Variants in ANKS1B observed in about 807,000 individuals in gnomAD.
The protein encoded by ANKS1B is ankyrin repeat and sterile alpha motif domain containing 1B, also known as ankyrin repeat and sterile alpha motif domain-containing protein 1B.
Under a neutral mutation model 148.3 loss-of-function variants are expected in ANKS1B, and 36 were observed. That is an observed-to-expected ratio of 0.24 (90% CI 0.19 to 0.32). The LOEUF (loss-of-function observed/expected upper bound fraction) is 0.32. Ranked by LOEUF, ANKS1B falls within the 10% of genes least tolerant of loss-of-function variation. The pLI is 1.00. For missense variants in ANKS1B, 1,157 were observed against 1,542.6 expected, an observed-to-expected ratio of 0.75 and a Z score of 4.19; for synonymous variants, 542 against 560.8, an observed-to-expected ratio of 0.97 and a Z score of 0.47.
chr12:99,889,608 G>A (rs909841774), intron 1 of ANKS1B, among the ~76,000 whole-genome samples: 5 of 152,080 alleles, frequency 3.3e-5, no homozygotes, highest in Admixed American at 1.3e-4. Context: ...ATCCATATGA[G>A]TCTGAATGCT....
intron 17 of ANKS1B, among the ~76,000 whole-genome samples, chr12:98,847,593 C>CT (rs1412454073): frequency 7.5e-5 from 2 of 26,668 alleles, no homozygotes; most frequent in African/African-American, 8.3e-4. Context: ...TCCTCAAGAT[C>CT]TTAATTTTTT....
chr12:98,833,688 G>A (rs1025842498), intron 17 of ANKS1B, among the ~76,000 whole-genome samples: 6 of 152,176 alleles, frequency 3.9e-5, no homozygotes, highest in East Asian at 1.9e-4. Flanking sequence ...GAATGATCCC[G>A]TCACCAGGTA....
chr12:99,242,929 C>T (rs1009955401), intron 14 of ANKS1B, among the ~76,000 whole-genome samples: 1 of 152,138 alleles, frequency 6.6e-6, no homozygotes, highest in Non-Finnish European at 1.5e-5. Flanking sequence ...AGACCTAACA[C>T]CATAAAAATC....
intron 17 of ANKS1B, among the ~76,000 whole-genome samples, chr12:98,978,090 C>G (rs1568148670): frequency 6.6e-6 from 1 of 151,818 alleles, no homozygotes; most frequent in Non-Finnish European, 1.5e-5. Context: ...TTTTCAGAGA[C>G]AGCATATAGT....
At chr12:99,221,384 G>GT (rs1206683031) in intron 14 of ANKS1B, among the ~76,000 whole-genome samples, 2 of 152,024 alleles carry the variant, frequency 1.3e-5, no homozygotes, top group African/African-American at 4.8e-5. Context: ...AAAAATCAGT[G>GT]TAAGTTAAGT....
intron 16 of ANKS1B, among the ~76,000 whole-genome samples, chr12:99,056,377 A>G (rs1185040496): frequency 5.3e-5 from 8 of 152,196 alleles, no homozygotes; most frequent in Non-Finnish European, 1.2e-4. Context: ...TTCCAAAGCA[A>G]TGATCCCATC....
intron 19 of ANKS1B, among the ~76,000 whole-genome samples, chr12:98,809,640 A>T (rs2099078473): frequency 6.6e-6 from 1 of 152,122 alleles, no homozygotes; most frequent in South Asian, 2.1e-4. Context: ...CCTGGTACTG[A>T]TGTCACCAGA....
intron 8 of ANKS1B, among the ~76,000 whole-genome samples, chr12:99,657,700 G>C (rs1043501819): frequency 2.0e-5 from 3 of 147,172 alleles, no homozygotes; most frequent in African/African-American, 7.6e-5. Flanking sequence ...TGATCAAAAA[G>C]GTATCTCCTT....
chr12:99,410,269 T>C (rs745797308), intron 11 of ANKS1B, among the ~76,000 whole-genome samples: 34 of 152,288 alleles, frequency 2.2e-4, no homozygotes, highest in African/African-American at 7.5e-4. Flanking sequence ...CCTGCTACAG[T>C]AGCAGAGTGT....
intron 15 of ANKS1B, among the ~76,000 whole-genome samples, chr12:99,147,760 C>T (rs1355051080): frequency 6.6e-6 from 1 of 151,770 alleles, no homozygotes; most frequent in African/African-American, 2.4e-5. Flanking sequence ...TGTAGAGCAC[C>T]ACCCTTATTT....
intron 15 of ANKS1B, among the ~76,000 whole-genome samples, chr12:99,091,449 T>C (rs887385741): frequency 2.6e-5 from 4 of 152,212 alleles, no homozygotes; most frequent in South Asian, 4.1e-4. Flanking sequence ...TAGAATTATG[T>C]GTATTTGTAA....
intron 8 of ANKS1B, among the ~76,000 whole-genome samples, chr12:99,723,328 G>C (rs1009662697): frequency 1.3e-5 from 2 of 152,188 alleles, no homozygotes; most frequent in Non-Finnish European, 2.9e-5. Flanking sequence ...AGCCAGGAAG[G>C]CTTGGTTCCG....
intron 9 of ANKS1B, among the ~76,000 whole-genome samples, chr12:99,632,480 T>TC (rs1373355324): frequency 6.6e-6 from 1 of 151,474 alleles, no homozygotes; most frequent in Non-Finnish European, 1.5e-5. Context: ...ATGCCAGAAC[T>TC]ATACAGCTGC....
intron 13 of ANKS1B, among the ~76,000 whole-genome samples, chr12:99,246,032 A>G (rs2073833134): frequency 6.6e-6 from 1 of 152,096 alleles, no homozygotes; most frequent in Non-Finnish European, 1.5e-5. Flanking sequence ...GCTAGTTATT[A>G]CTTCTGCTTG....
intron 9 of ANKS1B, among the ~76,000 whole-genome samples, chr12:99,562,715 AACTC>A (rs1053888100): frequency 1.3e-5 from 2 of 152,166 alleles, no homozygotes; most frequent in African/African-American, 4.8e-5. Context: ...ATCTTGTGAA[AACTC>A]ACTCACTATC....
At chr12:99,000,577 CT>C (rs1054480815) in intron 17 of ANKS1B, among the ~76,000 whole-genome samples, 2 of 152,142 alleles carry the variant, frequency 1.3e-5, no homozygotes, top group Non-Finnish European at 2.9e-5. Flanking sequence ...CCAGGGCCTT[CT>C]TTTTTAAAGA....
chr12:99,685,163 C>A (rs2098642461), intron 8 of ANKS1B, among the ~76,000 whole-genome samples: 1 of 152,040 alleles, frequency 6.6e-6, no homozygotes, highest in African/African-American at 2.4e-5. Flanking sequence ...AAAATCATCA[C>A]AAACTATGCA....
chr12:99,854,159 C>G (rs1001700243), intron 1 of ANKS1B, among the ~76,000 whole-genome samples: 2 of 152,090 alleles, frequency 1.3e-5, no homozygotes, highest in African/African-American at 4.8e-5. Context: ...CTACAGGTGC[C>G]CACCACCGCG....
intron 11 of ANKS1B, among the ~76,000 whole-genome samples, chr12:99,441,544 A>G (rs181908073): frequency 1.3e-3 from 196 of 152,124 alleles, no homozygotes; most frequent in Non-Finnish European, 2.1e-3. Flanking sequence ...AATTGAAGTT[A>G]TATTCTTTCT....
Sources: gnomAD v4.1 joint callset for allele counts (sites outside exome capture counted in the v4.1 genomes callset) on GRCh38, gnomAD v4.1.1 for gene constraint, MANE v1.5 for transcripts, NCBI Gene and HGNC (gene_info 2026-07-23, HGNC 2026-07-21) for gene names.